The following TRDN variants were observed in gnomAD, a reference collection of about 807,000 sequenced individuals.
The protein encoded by TRDN is triadin.
Under a neutral mutation model 149.7 loss-of-function variants are expected in TRDN, and 161 were observed. That is an observed-to-expected ratio of 1.08 (90% CI 0.95 to 1.23). TRDN has a LOEUF of 1.23. Ranked by LOEUF, TRDN falls within the 50% of genes most tolerant of loss-of-function variation. The pLI is 0.00. For missense variants in TRDN, 896 were observed against 823.5 expected (o/e 1.09, Z -1.08); for synonymous variants, 294 against 250.5 (o/e 1.17, Z -1.64).
chr6:123,507,048 T>A (rs77250353), intron 7 of TRDN, among the ~76,000 whole-genome samples: 1 of 152,136 alleles, frequency 6.6e-6, no homozygotes, highest in Non-Finnish European at 1.5e-5. Context: ...GCAATTTTGA[T>A]GGAGAGAGTA....
chr6:123,385,934 T>C (rs1339622905), intron 14 of TRDN, among the ~76,000 whole-genome samples: 1 of 152,106 alleles, frequency 6.6e-6, no homozygotes, highest in Non-Finnish European at 1.5e-5. Context: ...ATATACCTCC[T>C]AGTAGTTAAA....
At chr6:123,354,039 C>A (rs1383297389) in intron 20 of TRDN, among the ~76,000 whole-genome samples, 4 of 151,704 alleles carry the variant, frequency 2.6e-5, no homozygotes, top group African/African-American at 4.8e-5. Context: ...GCCTTCAATG[C>A]TGAAATAAAG....
chr6:123,502,239 T>C lies in TRDN; in HGVS notation c.793+1480A>G, dbSNP rs79181135. 7,521 of 971,856 alleles carry C rather than the reference T, an allele frequency of 7.7e-3. 38 individuals are homozygous for C. Among genetic ancestry groups the C allele is most frequent in the Non-Finnish European group, 8.8e-3 (7,175 of 817,662 alleles). The allele number at this position is 971,856 out of a possible 1,614,324, so 60.2% of individuals were successfully genotyped here. On this transcript the variant is annotated intron_variant, in intron 8 of 40. Transcript: ENST00000334268. The stretch of plus-strand genomic sequence containing the variant: ...GTTTTTTTACCACAGTAAAATATTA[T>C]ATTCAACGTATTTTCTCTTTACTTA...
At chr6:123,457,609 T>C (rs1299427853) in intron 10 of TRDN, 6 of 439,228 alleles carry the variant, frequency 1.4e-5, no homozygotes, top group East Asian at 7.0e-5. Context: ...TTTTGTGTTT[T>C]TAAGAAAATT....
intron 1 of TRDN, among the ~76,000 whole-genome samples, chr6:123,583,025 G>A (rs1476511744): frequency 6.6e-6 from 1 of 152,178 alleles, no homozygotes; most frequent in Non-Finnish European, 1.5e-5. Flanking sequence ...AACGGAATAA[G>A]AGAAGGAGAA....
intron 13 of TRDN, among the ~76,000 whole-genome samples, chr6:123,390,972 C>A (rs17686735): frequency 1.3e-5 from 2 of 151,782 alleles, no homozygotes; most frequent in Non-Finnish European, 2.9e-5. Flanking sequence ...TGCACATACC[C>A]CATCTTTTAA....
At chr6:123,355,202 C>T (rs1290400792) in intron 20 of TRDN, among the ~76,000 whole-genome samples, 1 of 151,472 alleles carries the variant, frequency 6.6e-6, no homozygotes, top group Non-Finnish European at 1.5e-5. Context: ...CACATATATA[C>T]ATATACTGTA....
rs544965392 is a variant in TRDN at position 123,516,508 on chromosome 6, A to G, written c.485-302T>C. ...TGAAATAATTGGAAAATTTTAAAAA[A>G]TTATTATGCCATATGCCAAAGGAGC... On this transcript the variant is annotated intron_variant, in intron 5 of 40. Transcript: ENST00000334268. Among the ~76,000 whole-genome samples, 30 of 152,252 alleles carry G rather than the reference A, an allele frequency of 2.0e-4. No individual in the cohort carries two copies. The South Asian group carries it at 6.2e-3, about 32-fold the overall frequency.
chr6:123,451,601 A>G (rs9490765), intron 10 of TRDN, among the ~76,000 whole-genome samples: 22,934 of 151,974 alleles, frequency 0.15, 2,235 homozygotes, highest in African/African-American at 0.28. Context: ...GACTGAAATC[A>G]TAATTTAAAA....
chr6:123,629,860 T>C (rs527818771), intron 1 of TRDN, among the ~76,000 whole-genome samples: 2 of 152,180 alleles, frequency 1.3e-5, no homozygotes, highest in Non-Finnish European at 2.9e-5. Flanking sequence ...TTGCCAAGGA[T>C]ACTCTTTTTG....
At chr6:123,577,179 A>C (rs1214324699) in intron 1 of TRDN, among the ~76,000 whole-genome samples, 1 of 151,994 alleles carries the variant, frequency 6.6e-6, no homozygotes, top group African/African-American at 2.4e-5. Context: ...GTGGCTTGGA[A>C]ATTGCAAGGT....
At chr6:123,283,781 C>G (rs1321593916) in intron 24 of TRDN, among the ~76,000 whole-genome samples, 1 of 150,102 alleles carries the variant, frequency 6.7e-6, no homozygotes, top group Non-Finnish European at 1.5e-5. Flanking sequence ...AGATCAATAA[C>G]AAGCAGCGAG....
chr6:123,275,549 A>G (rs1777341795), intron 26 of TRDN, among the ~76,000 whole-genome samples: 1 of 152,196 alleles, frequency 6.6e-6, no homozygotes. Flanking sequence ...TTTAAGCAAC[A>G]CAATTTGTGA....
At chr6:123,375,093 C>G (rs1409132092) in intron 19 of TRDN, among the ~76,000 whole-genome samples, 1 of 152,126 alleles carries the variant, frequency 6.6e-6, no homozygotes, top group Non-Finnish European at 1.5e-5. Flanking sequence ...GTCAAAGTTA[C>G]CATTGCTGCA....
At chr6:123,288,110 A>C (rs1777866047) in intron 24 of TRDN, among the ~76,000 whole-genome samples, 2 of 152,114 alleles carry the variant, frequency 1.3e-5, no homozygotes, top group African/African-American at 4.8e-5. Context: ...TAAAAAGGAA[A>C]AATCAAGTGT....
Position 123,497,223 on chromosome 6 carries a change from C to A in TRDN, c.823G>T (p.Asp275Tyr). 6.4e-7 allele frequency: 1 copy of A among 1,558,400 alleles called. No homozygotes were observed. The highest frequency in any genetic ancestry group is 1.2e-5 in the South Asian group (1 of 83,050). The change falls in exon 9 of 41, where the codon GAC (aspartate) becomes TAC (tyrosine). Residue 275 changes from aspartate to tyrosine, a missense_variant. Asp to Tyr is a radical substitution (Grantham distance 160). Coordinates refer to ENST00000334268, the MANE Select transcript of TRDN (RefSeq NM_006073.4). ...TTTAAATCCCCATGGACAAATATGT[C>A]AATCATATATCGACAGAATGCATAC... ...DQYAFCRYMI[D>Y]IFVHGDLKPG...
At chr6:123,503,069 T>G in intron 8 of TRDN, 1 of 985,282 alleles carries the variant, frequency 1.0e-6, no homozygotes, top group Non-Finnish European at 1.2e-6. Context: ...TTTTGCAAAG[T>G]GGGGATGTAA....
intron 9 of TRDN, among the ~76,000 whole-genome samples, chr6:123,468,376 G>A (rs1776956591): frequency 6.6e-6 from 1 of 152,078 alleles, no homozygotes; most frequent in Admixed American, 6.6e-5. Context: ...CTTCATTTCT[G>A]TTCCTTGAGT....
chr6:123,460,823 A>G (rs1776405247), intron 10 of TRDN, among the ~76,000 whole-genome samples: 1 of 152,098 alleles, frequency 6.6e-6, no homozygotes. Context: ...TCTCCTCTGT[A>G]TCTATACAAA....
Sources: allele counts gnomAD v4.1 joint callset (sites outside exome capture counted in the v4.1 genomes callset), GRCh38; gene constraint gnomAD v4.1.1; transcripts MANE v1.5; gene names NCBI Gene and HGNC (gene_info 2026-07-23, HGNC 2026-07-21).